The following LRRC4C variants were observed in gnomAD, a reference collection of about 807,000 sequenced individuals.
The protein encoded by LRRC4C is leucine rich repeat containing 4C.
Under a neutral mutation model 33.6 loss-of-function variants are expected in LRRC4C, and 5 were observed. That is an observed-to-expected ratio of 0.15 (90% CI 0.08 to 0.31). The LOEUF (loss-of-function observed/expected upper bound fraction) is 0.31. Among genes scored for constraint, LRRC4C ranks in the 10% least tolerant of loss-of-function variants. The probability of loss-of-function intolerance (pLI) is 1.00; values close to 1 mark genes in which losing one functional copy is unlikely to be tolerated. For synonymous variants in LRRC4C, 329 were observed against 302.0 expected, an observed-to-expected ratio of 1.09 and a Z score of -0.93; for missense variants, 560 against 796.7, an observed-to-expected ratio of 0.70 and a Z score of 3.58.
At chr11:40,360,260 G>A (rs1947886925) in intron 3 of LRRC4C, among the ~76,000 whole-genome samples, 1 of 152,142 alleles carries the variant, frequency 6.6e-6, no homozygotes, top group South Asian at 2.1e-4. Context: ...TTAGAAGACA[G>A]TATTTAGAAA....
chr11:40,327,377 A>G (rs574210406), intron 3 of LRRC4C, among the ~76,000 whole-genome samples: 1 of 152,276 alleles, frequency 6.6e-6, no homozygotes, highest in Non-Finnish European at 1.5e-5. Context: ...TTTCATATTT[A>G]TTTCGAATTC....
rs562889867 is a variant in LRRC4C, at chr11:40,745,423, A to G, written c.-406-97145T>C. ...CAAAGTATATTGGTATGATTATACT[A>G]TGAGAACGTTTGATAGACATTTTGA... On this transcript the variant is annotated intron_variant, in intron 2 of 6. Transcript: ENST00000528697. Among the ~76,000 whole-genome samples, 3 of 152,316 alleles carry G rather than the reference A, an allele frequency of 2.0e-5. No homozygotes were observed. The East Asian group carries it at 5.8e-4, about 29-fold the overall frequency.
At chr11:40,346,237 G>C (rs1303849090) in intron 3 of LRRC4C, among the ~76,000 whole-genome samples, 2 of 152,208 alleles carry the variant, frequency 1.3e-5, no homozygotes, top group Admixed American at 1.3e-4. Flanking sequence ...CTGTTACAAA[G>C]ACACATGCAT....
intron 1 of LRRC4C, among the ~76,000 whole-genome samples, chr11:41,112,729 T>A (rs1343153846): frequency 6.6e-6 from 1 of 152,076 alleles, no homozygotes; most frequent in Non-Finnish European, 1.5e-5. Context: ...GGATTATACC[T>A]AAGAATTAAT....
chr11:40,160,971 G>C (rs986681898), intron 5 of LRRC4C, among the ~76,000 whole-genome samples: 2 of 152,150 alleles, frequency 1.3e-5, no homozygotes, highest in African/African-American at 4.8e-5. Flanking sequence ...GCCTGTGTTG[G>C]GAAAGGCAGG....
intron 4 of LRRC4C, among the ~76,000 whole-genome samples, chr11:40,254,968 C>T (rs879662558): frequency 4.9e-4 from 75 of 152,114 alleles, no homozygotes; most frequent in Non-Finnish European, 8.7e-4. Flanking sequence ...ACAACCATGC[C>T]TAGCTGTAAT....
intron 6 of LRRC4C, among the ~76,000 whole-genome samples, chr11:40,139,628 A>G (rs1857227531): frequency 6.6e-6 from 1 of 152,208 alleles, no homozygotes; most frequent in South Asian, 2.1e-4. Context: ...CCACATGCCC[A>G]GTGAACAAAA....
chr11:41,194,369 T>C (rs1412702050), intron 1 of LRRC4C, among the ~76,000 whole-genome samples: 2 of 152,094 alleles, frequency 1.3e-5, no homozygotes, highest in African/African-American at 4.8e-5. Flanking sequence ...TATAGAGACA[T>C]AAAACTCATG....
intron 1 of LRRC4C, among the ~76,000 whole-genome samples, chr11:41,179,392 A>G: frequency 6.6e-6 from 1 of 152,316 alleles, no homozygotes; most frequent in East Asian, 1.9e-4. Context: ...GATACTTTCT[A>G]ATGGTCTTTC....
intron 3 of LRRC4C, among the ~76,000 whole-genome samples, chr11:40,396,262 CAT>C (rs993777884): frequency 2.1e-4 from 32 of 152,168 alleles, no homozygotes; most frequent in Middle Eastern, 3.4e-3. Flanking sequence ...GATTACTACA[CAT>C]GTCTCTAGAC....
At chr11:40,773,020 T>TA (rs1226751721) in intron 2 of LRRC4C, among the ~76,000 whole-genome samples, 1 of 152,112 alleles carries the variant, frequency 6.6e-6, no homozygotes, top group South Asian at 2.1e-4. Flanking sequence ...CATTCAGTCA[T>TA]AAAAAAGAGT....
At chr11:41,136,406 G>A (rs563838688) in intron 1 of LRRC4C, among the ~76,000 whole-genome samples, 1 of 152,208 alleles carries the variant, frequency 6.6e-6, no homozygotes, top group Non-Finnish European at 1.5e-5. Context: ...GAACAAAAGA[G>A]ATGGGGAAAT....
At chr11:41,282,270 C>T (rs147923442) in intron 1 of LRRC4C, among the ~76,000 whole-genome samples, 18 of 152,198 alleles carry the variant, frequency 1.2e-4, no homozygotes, top group African/African-American at 4.1e-4. Context: ...TTTTGAGGTG[C>T]AAGTGAAATT....
At position 40,216,172 on chromosome 11, in the gene LRRC4C, T is replaced by A. The variant is rs191579972; in HGVS notation, c.-96+25347A>T. ...ATTTTTTAGATACATTATCTTGGAG[T>A]GTTGCTCTCATCACTCACTACTTGG... is the stretch of plus-strand genomic sequence containing the variant. On this transcript the variant is annotated intron_variant, in intron 5 of 6. Transcript: ENST00000528697. 2.7e-3 allele frequency among the ~76,000 whole-genome samples: 409 copies of A among 152,238 alleles called. 1 individual carries two copies. The highest frequency in any genetic ancestry group is 9.7e-3 in the African/African-American group (401 of 41,548).
intron 1 of LRRC4C, among the ~76,000 whole-genome samples, chr11:41,036,648 A>T (rs532894337): frequency 1.9e-5 from 2 of 108,044 alleles, no homozygotes; most frequent in Non-Finnish European, 4.3e-5. Context: ...GTGTTGAAGG[A>T]AGCATTTTTT....
chr11:40,648,456 C>T (rs1942592282), intron 2 of LRRC4C, among the ~76,000 whole-genome samples, 178 bp from the exon 3 acceptor site: 1 of 152,096 alleles, frequency 6.6e-6, no homozygotes, highest in Non-Finnish European at 1.5e-5. Context: ...CTTTTAAAAA[C>T]TATATCAAAT....
intron 3 of LRRC4C, among the ~76,000 whole-genome samples, chr11:40,331,242 T>G (rs1464350771): frequency 1.3e-5 from 2 of 152,122 alleles, no homozygotes; most frequent in Non-Finnish European, 2.9e-5. Flanking sequence ...AAGCTAAAAA[T>G]AGAACTCCCA....
At chr11:40,664,520 G>A (rs1056727382) in intron 2 of LRRC4C, among the ~76,000 whole-genome samples, 2 of 149,940 alleles carry the variant, frequency 1.3e-5, no homozygotes, top group African/African-American at 4.9e-5. Context: ...ACTCCAGCCT[G>A]AGCGAAAGAG....
At chr11:40,635,525 C>G (rs1192648337) in intron 3 of LRRC4C, among the ~76,000 whole-genome samples, 2 of 151,344 alleles carry the variant, frequency 1.3e-5, no homozygotes, top group Non-Finnish European at 2.9e-5. Context: ...ACATGTCTAC[C>G]AAAATGCAGT....
Sources: gnomAD v4.1 joint callset for allele counts (sites outside exome capture counted in the v4.1 genomes callset) on GRCh38, gnomAD v4.1.1 for gene constraint, MANE v1.5 for transcripts, NCBI Gene and HGNC (gene_info 2026-07-23, HGNC 2026-07-21) for gene names.